RGS22: variants seen among roughly 807,000 people sequenced by gnomAD.
RGS22 encodes regulator of G protein signaling 22.
RGS22 carries 148 observed loss-of-function variants against 172.9 expected under a neutral mutation model. The ratio of observed to expected loss-of-function variants is 0.86; its 90% CI spans 0.75 to 0.98. RGS22 has a LOEUF of 0.98. Ranked by LOEUF, RGS22 falls within the 50% of genes least tolerant of loss-of-function variation. The pLI, the probability that RGS22 is intolerant of heterozygous loss-of-function variation, is 0.00. For synonymous variants in RGS22, 458 were observed against 480.2 expected, an observed-to-expected ratio of 0.95 and a Z score of 0.60; for missense variants, 1,347 against 1,440.8, an observed-to-expected ratio of 0.93 and a Z score of 1.05.
At chr8:100,020,071 A>G (rs763865154) in intron 14 of RGS22, among the ~76,000 whole-genome samples, 2 of 151,942 alleles carry the variant, frequency 1.3e-5, no homozygotes, top group Non-Finnish European at 2.9e-5. Flanking sequence ...TTTAGTAGCA[A>G]TGAAGTTTCT....
At chr8:100,039,636 G>A (rs3133698) in intron 13 of RGS22, among the ~76,000 whole-genome samples, 88,661 of 151,778 alleles carry the variant, frequency 0.58, 26,045 homozygotes, top group Admixed American at 0.64. Context: ...TTGGCCTCCC[G>A]AAGTGCTGGG....
At chr8:100,095,485 T>A (rs1230175907) in intron 2 of RGS22, among the ~76,000 whole-genome samples, 3 of 152,170 alleles carry the variant, frequency 2.0e-5, no homozygotes, top group Non-Finnish European at 2.9e-5. Context: ...TGCTCAGCCC[T>A]GTTTTGTTGT....
At chr8:99,979,632 T>C (rs1051200791) in intron 22 of RGS22, among the ~76,000 whole-genome samples, 5 of 152,170 alleles carry the variant, frequency 3.3e-5, no homozygotes, top group African/African-American at 1.2e-4. Context: ...ACTGATACAA[T>C]GCTAAAACTG....
At chr8:100,084,171 T>C (rs1474700486) in intron 3 of RGS22, among the ~76,000 whole-genome samples, 1 of 152,212 alleles carries the variant, frequency 6.6e-6, no homozygotes, top group African/African-American at 2.4e-5. Context: ...GTGGATGCTG[T>C]GGACTGGCTC....
intron 2 of RGS22, among the ~76,000 whole-genome samples, chr8:100,097,836 C>T (rs2132029480): frequency 6.6e-6 from 1 of 152,316 alleles, no homozygotes; most frequent in Middle Eastern, 3.4e-3. Flanking sequence ...ATCCACACCA[C>T]CCTATGGGTC....
At position 99,974,795 on chromosome 8, in the gene RGS22, CA is replaced by C. The variant is rs796385179; in HGVS notation, c.3519+3121del. ...CCTGGATGACAGAGCAAGACTCTGT[CA>C]AAAAAAAAAAAAATGGATATAATTA... is the stretch of plus-strand genomic sequence containing the variant. On this transcript the variant is annotated intron_variant, in intron 23 of 27. Coordinates refer to ENST00000360863, the MANE Select transcript of RGS22 (RefSeq NM_015668.5). Among the ~76,000 whole-genome samples the C allele has an allele frequency of 8.6e-3, 1,001 of 115,854 alleles. 3 individuals carry two copies. Among genetic ancestry groups the C allele is most frequent in the East Asian group, 0.033 (131 of 3,986 alleles). The allele number at this position is 115,854 out of a possible 152,430, so 76.0% of individuals were successfully genotyped here.
chr8:100,042,292 T>A (rs1408520873), intron 11 of RGS22, among the ~76,000 whole-genome samples: 1 of 152,164 alleles, frequency 6.6e-6, no homozygotes, highest in Non-Finnish European at 1.5e-5. Context: ...AAAATTTTAA[T>A]GTGTTTTAGA....
rs1192778880 is a variant in RGS22, at chr8:100,057,817, T to A, written c.1514+4774A>T. Among the ~76,000 whole-genome samples, 4 of 152,156 alleles carry A rather than the reference T, an allele frequency of 2.6e-5. No homozygotes were observed. The South Asian group carries it at 8.3e-4, about 32-fold the overall frequency. On this transcript the variant is annotated intron_variant, in intron 9 of 27. Transcript: ENST00000360863. ...TTCAATGCCCAGACACTAAAGAACA[T>A]CTACTAGCTCAACATCATCCAGGAA... is the stretch of plus-strand genomic sequence containing the variant.
chr8:100,008,844 A>T (rs531233850), intron 14 of RGS22, among the ~76,000 whole-genome samples: 1 of 152,276 alleles, frequency 6.6e-6, no homozygotes, highest in East Asian at 1.9e-4. Context: ...ATTATGGTAA[A>T]TTTGAGTTTA....
intron 4 of RGS22, 133 bp from the exon 5 acceptor site, chr8:100,072,363 C>T (rs1389749785): frequency 6.0e-6 from 3 of 499,174 alleles, no homozygotes; most frequent in East Asian, 6.7e-5. Context: ...TCTATTTCCA[C>T]TAGAGAGATC....
chr8:100,056,877 G>A (rs1276793086), intron 9 of RGS22, among the ~76,000 whole-genome samples: 2 of 152,210 alleles, frequency 1.3e-5, no homozygotes, highest in Admixed American at 1.3e-4. Context: ...CTGCCTAGTG[G>A]AGCTGTGAGA....
intron 11 of RGS22, among the ~76,000 whole-genome samples, chr8:100,043,193 C>A (rs139169129): frequency 2.2e-4 from 34 of 152,292 alleles, no homozygotes; most frequent in African/African-American, 8.2e-4. Flanking sequence ...CAGCTGAAAT[C>A]ATTCTTGGTA....
At chr8:100,012,618 G>C (rs529935486) in intron 14 of RGS22, among the ~76,000 whole-genome samples, 1 of 151,902 alleles carries the variant, frequency 6.6e-6, no homozygotes, top group South Asian at 2.1e-4. Flanking sequence ...AGAAAGAAAA[G>C]AAAGAAACAG....
intron 14 of RGS22, among the ~76,000 whole-genome samples, chr8:100,033,755 T>C (rs202060466): frequency 0.012 from 1,833 of 152,266 alleles, 56 homozygotes; most frequent in East Asian, 0.11. Context: ...ATCAAAAAGC[T>C]TATCCACCAT....
intron 14 of RGS22, among the ~76,000 whole-genome samples, chr8:100,034,319 C>T (rs1589025705): frequency 2.0e-5 from 3 of 152,094 alleles, no homozygotes; most frequent in African/African-American, 7.2e-5. Flanking sequence ...TATACACCAA[C>T]AACAGACAAA....
chr8:99,980,503 GC>G (rs1469924134), intron 22 of RGS22, among the ~76,000 whole-genome samples: 1 of 152,182 alleles, frequency 6.6e-6, no homozygotes, highest in Non-Finnish European at 1.5e-5. Flanking sequence ...CATGGAGATG[GC>G]CAACCAGATC....
chr8:99,979,853 C>T (rs1812360882), intron 22 of RGS22, among the ~76,000 whole-genome samples: 1 of 152,168 alleles, frequency 6.6e-6, no homozygotes, highest in Non-Finnish European at 1.5e-5. Context: ...ATGGGAAAGT[C>T]AGACATGAGA....
intron 21 of RGS22, among the ~76,000 whole-genome samples, chr8:99,982,956 C>T (rs1024866789): frequency 6.6e-6 from 1 of 152,152 alleles, no homozygotes; most frequent in African/African-American, 2.4e-5. Flanking sequence ...CCCACCCTCC[C>T]CTCACTACCT....
intron 3 of RGS22, among the ~76,000 whole-genome samples, chr8:100,091,091 T>G (rs1355507891): frequency 1.3e-5 from 2 of 152,158 alleles, no homozygotes; most frequent in Non-Finnish European, 2.9e-5. Context: ...TTTAGCTAAG[T>G]GCTCATAAAC....
Sources: allele counts gnomAD v4.1 joint callset (sites outside exome capture counted in the v4.1 genomes callset), GRCh38; gene constraint gnomAD v4.1.1; transcripts MANE v1.5; gene names NCBI Gene and HGNC (gene_info 2026-07-23, HGNC 2026-07-21).